The following PCLO variants were observed in gnomAD, a reference collection of about 807,000 sequenced individuals.
The protein encoded by PCLO is protein piccolo.
PCLO carries 82 observed loss-of-function variants against 427.5 expected under a neutral mutation model. The ratio of observed to expected loss-of-function variants is 0.19; its 90% confidence interval spans 0.16 to 0.23. The LOEUF is 0.23. Among genes scored for constraint, PCLO ranks in the 10% least tolerant of loss-of-function variants. The pLI is 1.00. For missense variants in PCLO, 6,239 were observed against 6,115.9 expected (o/e 1.02, Z -0.67); for synonymous variants, 2,357 against 2,155.4 (o/e 1.09, Z -2.59).
Position 82,800,625 on chromosome 7 carries a change from T to C in PCLO, c.15007+893A>G, listed in dbSNP as rs572533441. Among the ~76,000 whole-genome samples the C allele has an allele frequency of 4.2e-3, 633 of 152,218 alleles. 2 individuals are homozygous for C. The highest frequency in any genetic ancestry group is 6.9e-3 in the Non-Finnish European group (471 of 68,004). On this transcript the variant is annotated intron_variant, in intron 22 of 24. Coordinates refer to ENST00000333891, the MANE Select transcript of PCLO (RefSeq NM_033026.6). ...TTATTTTATTTTTTGAGATGGAGTC[T>C]CCCTCTGTCGCCCAGGCTGGAGTGC...
At chr7:83,023,219 T>G (rs1202518992) in intron 3 of PCLO, among the ~76,000 whole-genome samples, 3 of 152,212 alleles carry the variant, frequency 2.0e-5, no homozygotes. Flanking sequence ...AATCTACTAA[T>G]TGATTGGTTT....
At chr7:83,044,531 AT>A (rs1789058514) in intron 3 of PCLO, among the ~76,000 whole-genome samples, 1 of 152,172 alleles carries the variant, frequency 6.6e-6, no homozygotes, top group Non-Finnish European at 1.5e-5. Flanking sequence ...GTCTTTTACC[AT>A]CAAAATTTTA....
At chr7:83,090,298 C>T (rs73170033) in intron 3 of PCLO, among the ~76,000 whole-genome samples, 257 of 152,166 alleles carry the variant, frequency 1.7e-3, no homozygotes, top group South Asian at 0.013. Context: ...GTGCTGAAGA[C>T]ATAAAGATTT....
chr7:82,917,357 A>C (rs1204197647), intron 6 of PCLO, among the ~76,000 whole-genome samples: 4 of 152,020 alleles, frequency 2.6e-5, no homozygotes, highest in African/African-American at 7.2e-5. Context: ...TTTTCTATTT[A>C]ATATTTCAAG....
intron 3 of PCLO, among the ~76,000 whole-genome samples, chr7:83,129,787 A>G (rs568550012): frequency 6.6e-6 from 1 of 152,214 alleles, no homozygotes; most frequent in Non-Finnish European, 1.5e-5. Flanking sequence ...GAGAAATGTT[A>G]TATGTTTACT....
At chr7:83,124,867 G>A (rs1192022474) in intron 3 of PCLO, among the ~76,000 whole-genome samples, 2 of 152,074 alleles carry the variant, frequency 1.3e-5, no homozygotes, top group African/African-American at 4.8e-5. Context: ...TGATTCTCCT[G>A]CCTCAGCCTG....
chr7:82,866,242 C>G (rs1017032815), intron 10 of PCLO, among the ~76,000 whole-genome samples: 1 of 152,098 alleles, frequency 6.6e-6, no homozygotes, highest in Non-Finnish European at 1.5e-5. Context: ...CACCTCACCT[C>G]AAATTGCAAC....
intron 8 of PCLO, 94 bp downstream of exon 8, chr7:82,908,783 C>G: frequency 9.4e-7 from 1 of 1,063,346 alleles, no homozygotes; most frequent in South Asian, 1.5e-5. Context: ...AATAAACAAA[C>G]ATCTCATTCC....
chr7:82,879,379 G>T lies in PCLO; in HGVS notation c.13612C>A (p.Leu4538Ile), dbSNP rs761504176. Reference sequence around the variant, plus strand: ...GTCTGTTCCGCACTTCCCCCAGGAAGAATCTTGGCAATATAGGCTCCAATT... The same window carrying T: ...GTCTGTTCCGCACTTCCCCCAGGAATAATCTTGGCAATATAGGCTCCAATT... ...GEIGAYIAKI[L>I]PGGSAEQTGK... The change falls in exon 10 of 25, where the codon CTT (leucine) becomes ATT (isoleucine). Residue 4538 changes from leucine (L) to isoleucine (I), a missense_variant. Leu to Ile is a conservative substitution (Grantham distance 5, BLOSUM62 2). This residue lies in a region of PCLO where 877 missense variants were observed against 925.5 expected (regional missense o/e 0.95). Transcript: ENST00000333891. The T allele has an allele frequency of 5.6e-6, 9 of 1,612,406 alleles. No homozygotes were observed. The highest frequency in any genetic ancestry group is 3.3e-4 in the Middle Eastern group (2 of 6,074).
intron 3 of PCLO, among the ~76,000 whole-genome samples, chr7:83,067,676 C>T (rs989690803): frequency 3.9e-5 from 6 of 152,118 alleles, no homozygotes; most frequent in African/African-American, 1.4e-4. Context: ...GGTTTGGGTT[C>T]GTGATTAAAG....
intron 3 of PCLO, among the ~76,000 whole-genome samples, chr7:83,080,254 G>A (rs1009954813): frequency 2.0e-5 from 3 of 152,078 alleles, no homozygotes; most frequent in Non-Finnish European, 4.4e-5. Context: ...GGATTGCTGG[G>A]TCAAATGGAA....
At chr7:83,072,198 A>T (rs1789833843) in intron 3 of PCLO, among the ~76,000 whole-genome samples, 2 of 152,082 alleles carry the variant, frequency 1.3e-5, no homozygotes, top group South Asian at 4.1e-4. Context: ...CTTCATAAGA[A>T]AAATGTATGA....
chr7:82,957,499 C>T (rs1228104207), intron 4 of PCLO, among the ~76,000 whole-genome samples: 1 of 152,072 alleles, frequency 6.6e-6, no homozygotes, highest in African/African-American at 2.4e-5. Flanking sequence ...TCAAATGATT[C>T]AAACAAGGCA....
chr7:83,076,966 A>G (rs971648948), intron 3 of PCLO, among the ~76,000 whole-genome samples: 2 of 145,858 alleles, frequency 1.4e-5, no homozygotes, highest in African/African-American at 2.6e-5. Context: ...TTTAGAGCAT[A>G]ATAGCCTGCT....
At chr7:83,096,990 A>ATATAATATAATATAATATAT (rs1491292314) in intron 3 of PCLO, among the ~76,000 whole-genome samples, 1 of 25,626 alleles carries the variant, frequency 3.9e-5, no homozygotes, top group Non-Finnish European at 5.7e-5. Flanking sequence ...TATATAAATA[A>ATATAATATAATATAATATAT]TATATATTAT....
intron 18 of PCLO, among the ~76,000 whole-genome samples, chr7:82,825,913 AAT>A (rs1316896134): frequency 8.7e-5 from 13 of 148,758 alleles, no homozygotes; most frequent in South Asian, 2.1e-4. Flanking sequence ...ATATATAAAC[AAT>A]ATGTGTATAT....
At chr7:82,922,361 G>C (rs61388483) in intron 6 of PCLO, among the ~76,000 whole-genome samples, 1,540 of 152,078 alleles carry the variant, frequency 0.01, 27 homozygotes, top group African/African-American at 0.036. Context: ...TGGTAGACTA[G>C]ATAAAGAAAA....
chr7:83,115,173 A>G (rs971200172), intron 3 of PCLO, among the ~76,000 whole-genome samples: 9 of 152,094 alleles, frequency 5.9e-5, no homozygotes, highest in African/African-American at 2.2e-4. Flanking sequence ...AGTTTATTCA[A>G]TGAAAAGGTA....
intron 3 of PCLO, among the ~76,000 whole-genome samples, chr7:83,047,826 GGTTT>G (rs755282060): frequency 4.2e-4 from 64 of 152,072 alleles, no homozygotes; most frequent in Middle Eastern, 3.4e-3. Flanking sequence ...TATGAACCCA[GGTTT>G]GTTTGACTTC....
Sources: gnomAD v4.1 joint callset for allele counts (sites outside exome capture counted in the v4.1 genomes callset) on GRCh38, gnomAD v4.1.1 for gene constraint, gnomAD v4.1.1 regional missense constraint, MANE v1.5 for transcripts, NCBI Gene and HGNC (gene_info 2026-07-23, HGNC 2026-07-21) for gene names.